SH3GL2: variants seen among roughly 807,000 people sequenced by gnomAD.
SH3GL2 encodes the protein SH3 domain containing GRB2 like 2, endophilin A1.
In SH3GL2, 24 loss-of-function variants were observed where a neutral mutation model predicts 46.0. That is an observed-to-expected ratio of 0.52 (90% CI 0.38 to 0.73). SH3GL2 has a LOEUF of 0.73. SH3GL2 is among the 30% of genes least tolerant of loss of function. SH3GL2 has a pLI of 0.00. For missense variants in SH3GL2, 413 were observed against 424.2 expected (o/e 0.97, Z 0.23); for synonymous variants, 196 against 147.1 (o/e 1.33, Z -2.40).
chr9:17,630,230 CCA>C (rs1209377740), intron 1 of SH3GL2: 1 of 152,156 alleles, frequency 6.6e-6, no homozygotes, highest in African/African-American at 2.4e-5. Context: ...AATACCTTTA[CCA>C]GTCTTTTTGT....
At position 17,787,472 on chromosome 9, in the gene SH3GL2, C is replaced by A; in HGVS notation, c.424C>A (p.Pro142Thr). The A allele has an allele frequency of 1.2e-6, 2 of 1,612,598 alleles. No individual in the cohort carries two copies. The highest frequency in any genetic ancestry group is 1.7e-6 in the Non-Finnish European group (2 of 1,178,850). ...DIEVKQNFID[P>T]LQNLHDKDLR... is the part of the protein sequence containing the mutation. ...AGAAGTGAAGCAGAACTTCATTGAC[C>A]CTCTTCAGAATCTTCATGACAAAGA... Residue 142 changes from proline (P) to threonine (T), a missense_variant, in exon 5 of 9, where the codon CCT becomes ACT. Physicochemically the swap from Pro to Thr is conservative, Grantham distance 38. This residue lies in a region of SH3GL2 where 160 missense variants were observed against 192.3 expected (regional missense o/e 0.83). Coordinates refer to ENST00000380607, the MANE Select transcript of SH3GL2 (RefSeq NM_003026.5).
At chr9:17,761,650 G>C (rs1359520806) in intron 3 of SH3GL2, 141 bp downstream of exon 3, 2 of 750,234 alleles carry the variant, frequency 2.7e-6, no homozygotes, top group Non-Finnish European at 4.9e-6. Context: ...CGACTTCATG[G>C]ATAGCACATT....
At chr9:17,665,755 T>C (rs1470677869) in intron 1 of SH3GL2, among the ~76,000 whole-genome samples, 1 of 151,636 alleles carries the variant, frequency 6.6e-6, no homozygotes, top group Non-Finnish European at 1.5e-5. Flanking sequence ...AGAGTGGTGT[T>C]CAGGTCTTGG....
intron 1 of SH3GL2, among the ~76,000 whole-genome samples, chr9:17,657,454 C>G (rs1050631220): frequency 6.6e-6 from 1 of 152,156 alleles, no homozygotes; most frequent in Non-Finnish European, 1.5e-5. Context: ...GTACCACAAA[C>G]AGAGGCAGGC....
chr9:17,658,147 AAGTC>A (rs768087653), intron 1 of SH3GL2, among the ~76,000 whole-genome samples: 18 of 152,326 alleles, frequency 1.2e-4, no homozygotes, highest in Middle Eastern at 3.4e-3. Context: ...TAGTTGCAGA[AAGTC>A]AGTTTAATGA....
intron 3 of SH3GL2, among the ~76,000 whole-genome samples, chr9:17,769,651 G>C (rs2209427): frequency 0.82 from 124,225 of 151,974 alleles, 51,064 homozygotes; most frequent in East Asian, 0.96. Flanking sequence ...TTCCTGCCCC[G>C]ACCCCTATTG....
chr9:17,723,586 T>C (rs1238090392), intron 1 of SH3GL2, among the ~76,000 whole-genome samples: 1 of 152,182 alleles, frequency 6.6e-6, no homozygotes, highest in Non-Finnish European at 1.5e-5. Flanking sequence ...TTGCCTCTAT[T>C]TAACCTTTAA....
intron 1 of SH3GL2, among the ~76,000 whole-genome samples, chr9:17,746,286 C>T (rs563212599): frequency 6.6e-6 from 1 of 152,228 alleles, no homozygotes; most frequent in East Asian, 1.9e-4. Context: ...CCGTGTTAGC[C>T]AGGATGGTCT....
intron 3 of SH3GL2, among the ~76,000 whole-genome samples, chr9:17,782,307 C>G (rs748796251): frequency 6.6e-6 from 1 of 152,074 alleles, no homozygotes; most frequent in African/African-American, 2.4e-5. Flanking sequence ...AAAATAAGAG[C>G]CTTTTTTCTG....
chr9:17,762,856 A>G (rs1422441940), intron 3 of SH3GL2, among the ~76,000 whole-genome samples: 1 of 152,222 alleles, frequency 6.6e-6, no homozygotes, highest in African/African-American at 2.4e-5. Context: ...AACCACTGTC[A>G]TAGGTCAAGT....
At chr9:17,585,769 G>C (rs549669087) in intron 1 of SH3GL2, among the ~76,000 whole-genome samples, 1 of 152,186 alleles carries the variant, frequency 6.6e-6, no homozygotes, top group Non-Finnish European at 1.5e-5. Context: ...ACTTGTGGTA[G>C]GGGCCAACCT....
chr9:17,664,850 AT>A (rs1820303756), intron 1 of SH3GL2, among the ~76,000 whole-genome samples: 1 of 151,738 alleles, frequency 6.6e-6, no homozygotes, highest in Non-Finnish European at 1.5e-5. Flanking sequence ...GGACAGTGAC[AT>A]TTTAGAGGAA....
chr9:17,661,872 T>G (rs1226777304), intron 1 of SH3GL2, among the ~76,000 whole-genome samples: 1 of 152,220 alleles, frequency 6.6e-6, no homozygotes, highest in Non-Finnish European at 1.5e-5. Context: ...CTCACTTTCA[T>G]TGAATGTAAA....
intron 1 of SH3GL2, among the ~76,000 whole-genome samples, chr9:17,622,192 T>C (rs1227303403): frequency 6.6e-6 from 1 of 152,204 alleles, no homozygotes; most frequent in Non-Finnish European, 1.5e-5. Flanking sequence ...TAGGGATTAT[T>C]TATTAGCCTG....
At position 17,735,418 on chromosome 9, in the gene SH3GL2, A is replaced by C. The variant is rs546833965; in HGVS notation, c.46-11648A>C. Among the ~76,000 whole-genome samples the C allele has an allele frequency of 1.5e-4, 23 of 152,274 alleles. 1 individual carries two copies. The South Asian group carries it at 4.8e-3, about 32-fold the overall frequency. The stretch of plus-strand genomic sequence containing the variant: ...GCTCCCTATATATTTGTGTTTGTGC[A>C]TGTGTGAGATTTGTATTTATGTAAG... On this transcript the variant is annotated intron_variant, in intron 1 of 8. Transcript: ENST00000380607.
At chr9:17,662,532 G>A (rs1401121597) in intron 1 of SH3GL2, among the ~76,000 whole-genome samples, 1 of 152,114 alleles carries the variant, frequency 6.6e-6, no homozygotes, top group African/African-American at 2.4e-5. Context: ...AGTGCCTTCT[G>A]TATACAATGA....
At chr9:17,605,270 C>A (rs760076205) in intron 1 of SH3GL2, among the ~76,000 whole-genome samples, 8 of 152,090 alleles carry the variant, frequency 5.3e-5, no homozygotes, top group Non-Finnish European at 8.8e-5. Context: ...AGAGCTACTG[C>A]AGTAGGCTAC....
intron 1 of SH3GL2, among the ~76,000 whole-genome samples, chr9:17,656,177 A>G (rs1349322917): frequency 6.6e-6 from 1 of 152,136 alleles, no homozygotes; most frequent in East Asian, 1.9e-4. Context: ...TCAGTACACA[A>G]TATTGTATCA....
chr9:17,754,288 A>G (rs896314688), intron 2 of SH3GL2, among the ~76,000 whole-genome samples: 1 of 152,164 alleles, frequency 6.6e-6, no homozygotes, highest in Non-Finnish European at 1.5e-5. Flanking sequence ...CATTTTGATG[A>G]TATTGAGTCT....
Sources: gnomAD v4.1 joint callset for allele counts (sites outside exome capture counted in the v4.1 genomes callset) on GRCh38, gnomAD v4.1.1 for gene constraint, gnomAD v4.1.1 regional missense constraint, MANE v1.5 for transcripts, NCBI Gene and HGNC (gene_info 2026-07-23, HGNC 2026-07-21) for gene names.